The following LGALS3 variants were observed in gnomAD, a reference collection of about 807,000 sequenced individuals.
LGALS3 encodes galectin-3.
LGALS3 carries 18 observed loss-of-function variants against 20.7 expected under a neutral mutation model. That is an observed-to-expected ratio of 0.87 (90% CI 0.60 to 1.29). LGALS3 has a LOEUF of 1.29. Among genes scored for constraint, LGALS3 ranks in the 50% most tolerant of loss-of-function variants. The pLI, the probability that LGALS3 is intolerant of heterozygous loss-of-function variation, is 0.00. For missense variants in LGALS3, 315 were observed against 314.7 expected (o/e 1.00, Z -0.01); for synonymous variants, 112 against 119.6 (o/e 0.94, Z 0.42).
chr14:55,137,883 C>G, intron 2 of LGALS3, 162 bp from the exon 3 acceptor site: 1 of 1,318,594 alleles, frequency 7.6e-7, no homozygotes, highest in Non-Finnish European at 9.7e-7. Flanking sequence ...TAATTTTAGT[C>G]TTAGAAACTC....
At chr14:55,138,584 T>C (rs975117483) in intron 3 of LGALS3, 10 of 683,390 alleles carry the variant, frequency 1.5e-5, no homozygotes, top group Admixed American at 2.2e-5. Context: ...AAACTGCTTA[T>C]GAATATAAAT....
Position 55,136,616 on chromosome 14 carries a change from A to G in LGALS3, c.-4-754A>G, listed in dbSNP as rs548809554. On this transcript the variant is annotated intron_variant, in intron 1 of 5. Coordinates refer to ENST00000254301, the MANE Select transcript of LGALS3 (RefSeq NM_002306.4). ...CAGGTATGCAATGCCTAATAATCACATCATGGAAAATGGGGTATCCCTCTT... is the reference window on the plus strand; with the variant it reads ...CAGGTATGCAATGCCTAATAATCACGTCATGGAAAATGGGGTATCCCTCTT... 1.3e-3 allele frequency among the ~76,000 whole-genome samples: 200 copies of G among 152,282 alleles called. 1 individual carries two copies. Among genetic ancestry groups the G allele is most frequent in the African/African-American group, 4.6e-3 (190 of 41,534 alleles).
rs1230812544 is a variant in LGALS3 at position 55,140,346 on chromosome 14, G to A, written c.414G>A (p.Val138=). The A allele has an allele frequency of 6.2e-7, 1 of 1,611,950 alleles. No homozygotes were observed. The highest frequency in any genetic ancestry group is 8.5e-7 in the Non-Finnish European group (1 of 1,178,622). The part of the protein sequence containing the change: ...PRMLITILGT[V]KPNANRIALD... ...TGCTGATAACAATTCTGGGCACGGTGAAGCCCAATGCAAACAGGTAAGGAG... is the reference window on the plus strand; with the variant it reads ...TGCTGATAACAATTCTGGGCACGGTAAAGCCCAATGCAAACAGGTAAGGAG... Residue 138 remains valine, a synonymous_variant, in exon 4 of 6, where the codon GTG becomes GTA. Transcript: ENST00000254301.
chr14:55,137,233 T>C, intron 1 of LGALS3, 137 bp from the exon 2 acceptor site: 1 of 855,116 alleles, frequency 1.2e-6, no homozygotes, highest in Non-Finnish European at 2.0e-6. Flanking sequence ...AGAGATGTTT[T>C]TGTGGCGCCA....
chr14:55,145,347 G>T lies in LGALS3; in HGVS notation c.*76G>T, dbSNP rs770973763. 1 of 1,596,364 alleles carries T rather than the reference G, an allele frequency of 6.3e-7. No individual in the cohort carries two copies. The highest frequency in any genetic ancestry group is 1.3e-5 in the African/African-American group (1 of 74,642). On this transcript the variant is annotated 3_prime_UTR_variant, in exon 6 of 6. Transcript: ENST00000254301. ...TAAAGGTTTCATGTTCACTGTGAGT[G>T]AAAATTTTTACATTCATCAATATCC...
chr14:55,145,281 G>C lies in LGALS3; in HGVS notation c.*10G>C. 6.2e-7 allele frequency: 1 copy of C among 1,609,714 alleles called. No homozygotes were observed. The highest frequency in any genetic ancestry group is 2.2e-5 in the East Asian group (1 of 44,828). On this transcript the variant is annotated 3_prime_UTR_variant, in exon 6 of 6. Coordinates refer to ENST00000254301, the MANE Select transcript of LGALS3 (RefSeq NM_002306.4). ...ATATACCATGATATAATCTGAAAGG[G>C]GCAGATTAAAAAAAAAAAAAGAATC...
rs777211329 is a variant in LGALS3, at chr14:55,145,140, C to A, written c.622C>A (p.His208Asn). The change falls in exon 6 of 6, where the codon CAC becomes AAC. Residue 208 changes from histidine to asparagine, a missense_variant. Physicochemically the swap from His to Asn is moderately conservative, Grantham distance 68. Transcript: ENST00000254301. ...FKIQVLVEPDHFKVAVNDAHL... is the reference protein window; with the variant it reads ...FKIQVLVEPDNFKVAVNDAHL... ...GATACAAGTACTGGTTGAACCTGAC[C>A]ACTTCAAGGTTGCAGTGAATGATGC... is the stretch of plus-strand genomic sequence containing the variant. 2.5e-6 allele frequency: 4 copies of A among 1,613,650 alleles called. No homozygotes were observed. The highest frequency in any genetic ancestry group is 3.4e-6 in the Non-Finnish European group (4 of 1,179,820).
chr14:55,143,272 C>T (rs1278358574), intron 5 of LGALS3, among the ~76,000 whole-genome samples: 1 of 152,126 alleles, frequency 6.6e-6, no homozygotes, highest in Non-Finnish European at 1.5e-5. Context: ...GTAAGCACTG[C>T]TTCAACAAAT....
chr14:55,139,547 G>A (rs1224598331), intron 3 of LGALS3, among the ~76,000 whole-genome samples: 2 of 152,174 alleles, frequency 1.3e-5, no homozygotes, highest in East Asian at 1.9e-4. Flanking sequence ...GATCACTTGA[G>A]TCCAAGAGGT....
At chr14:55,135,765 A>G (rs549756828) in intron 1 of LGALS3, among the ~76,000 whole-genome samples, 1 of 151,586 alleles carries the variant, frequency 6.6e-6, no homozygotes, top group African/African-American at 2.4e-5. Flanking sequence ...GGGTTTTGCC[A>G]TATTGCCCAG....
intron 3 of LGALS3, among the ~76,000 whole-genome samples, chr14:55,139,505 A>T (rs1881542747): frequency 6.6e-6 from 1 of 152,180 alleles, no homozygotes; most frequent in Non-Finnish European, 1.5e-5. Context: ...TCATGCCTGT[A>T]ATCCCACCAC....
chr14:55,130,642 C>T (rs1424507606), intron 1 of LGALS3, among the ~76,000 whole-genome samples: 1 of 150,670 alleles, frequency 6.6e-6, no homozygotes, highest in African/African-American at 2.4e-5. Context: ...TCACCGCAAC[C>T]TCTGCCTACC....
intron 1 of LGALS3, among the ~76,000 whole-genome samples, chr14:55,136,852 C>T (rs1881412646): frequency 7.8e-6 from 1 of 128,044 alleles, no homozygotes; most frequent in Non-Finnish European, 1.6e-5. Flanking sequence ...TCCTTCTATT[C>T]TATATCTCTG....
At chr14:55,140,418 A>G (rs1881581285) in intron 4 of LGALS3, 55 bp downstream of exon 4, 1 of 1,121,046 alleles carries the variant, frequency 8.9e-7, no homozygotes, top group African/African-American at 1.6e-5. Context: ...TTTTTGAATA[A>G]AGAATGGCCT....
rs1311784042 is a variant in LGALS3 at position 55,142,616 on chromosome 14, T to C, written c.464T>C (p.Val155Ala). The change falls in exon 5 of 6, where the codon GTT (valine) becomes GCT (alanine). Residue 155 changes from valine (V) to alanine (A), a missense_variant. Val to Ala is a moderately conservative substitution (Grantham distance 64, BLOSUM62 0). Coordinates refer to ENST00000254301, the MANE Select transcript of LGALS3 (RefSeq NM_002306.4). ...TTAGATTTCCAAAGAGGGAATGATG[T>C]TGCCTTCCACTTTAACCCACGCTTC... Reference protein sequence around the residue: ...IALDFQRGNDVAFHFNPRFNE... With the variant: ...IALDFQRGNDAAFHFNPRFNE... 5 of 1,613,836 alleles carry C rather than the reference T, an allele frequency of 3.1e-6. No homozygotes were observed. The highest frequency in any genetic ancestry group is 3.4e-6 in the Non-Finnish European group (4 of 1,179,722).
rs772854965 is a variant in LGALS3 at position 55,138,137 on chromosome 14, AG to A, written c.115del (p.Ala39LeufsTer76). ...AGCCTGCTGGGGCAGGGGGCTACCCAGGGGCTTCCTATCCTGGGGCCTACCC... is the reference window on the plus strand; with the variant it reads ...AGCCTGCTGGGGCAGGGGGCTACCCAGGGCTTCCTATCCTGGGGCCTACCC... ...NQPAGAGGYP[G>X]ASYPGAYPGQ... is the part of the protein sequence containing the mutation. On this transcript the variant is annotated frameshift_variant, in exon 3 of 6. Transcript: ENST00000254301. LOFTEE classifies it high-confidence loss of function. 6.3e-7 allele frequency: 1 copy of A among 1,581,270 alleles called. No homozygotes were observed. Among genetic ancestry groups the A allele is most frequent in the East Asian group, 2.2e-5 (1 of 44,576 alleles).
At chr14:55,142,964 C>T (rs1056934241) in intron 5 of LGALS3, among the ~76,000 whole-genome samples, 1 of 152,174 alleles carries the variant, frequency 6.6e-6, no homozygotes, top group African/African-American at 2.4e-5. Flanking sequence ...TCTCCATCAT[C>T]ACTGCTGCCA....
chr14:55,144,344 C>T (rs537328024), intron 5 of LGALS3, among the ~76,000 whole-genome samples: 16 of 152,322 alleles, frequency 1.1e-4, no homozygotes, highest in African/African-American at 3.6e-4. Context: ...TGGGATTTCA[C>T]CATGTTGCCT....
rs1423895959 is a variant in LGALS3, at chr14:55,143,457, C to G, written c.597+708C>G. 1.1e-5 allele frequency: 4 copies of G among 363,630 alleles called. No homozygotes were observed. In the Admixed American group the frequency reaches 1.4e-4, roughly 13 times the overall value. The allele number at this position is 363,630 out of a possible 1,614,324, so 22.5% of individuals were successfully genotyped here. On this transcript the variant is annotated intron_variant, in intron 5 of 5. Transcript: ENST00000254301. ...TTTTTTTTCGAGACAGAGTCTCGCT[C>G]TGTCGCCAGGCTGGAGTACAGTGGC...
Sources: allele counts gnomAD v4.1 joint callset (sites outside exome capture counted in the v4.1 genomes callset), GRCh38; gene constraint gnomAD v4.1.1; transcripts MANE v1.5; gene names NCBI Gene and HGNC (gene_info 2026-07-23, HGNC 2026-07-21).